Variants in PTPRN2 observed in about 807,000 individuals in gnomAD.
PTPRN2 encodes protein tyrosine phosphatase receptor type N2.
PTPRN2 carries 74 observed loss-of-function variants against 118.8 expected under a neutral mutation model. The observed-to-expected ratio is 0.62, with a 90% CI of 0.52 to 0.76. PTPRN2 has a LOEUF of 0.76. PTPRN2 is among the 30% of genes least tolerant of loss of function. The probability of loss-of-function intolerance (pLI) is 0.00; values close to 1 mark genes in which losing one functional copy is unlikely to be tolerated. For synonymous variants in PTPRN2, 641 were observed against 608.0 expected, an observed-to-expected ratio of 1.05 and a Z score of -0.80; for missense variants, 1,481 against 1,394.4, an observed-to-expected ratio of 1.06 and a Z score of -0.99.
intron 13 of PTPRN2, among the ~76,000 whole-genome samples, chr7:157,657,093 CG>C (rs147591551): frequency 0.015 from 1,330 of 91,034 alleles, 97 homozygotes; most frequent in African/African-American, 0.054. Flanking sequence ...CACACACATA[CG>C]CCACACACAC....
At chr7:158,158,320 G>A (rs1171282425) in intron 6 of PTPRN2, among the ~76,000 whole-genome samples, 4 of 152,224 alleles carry the variant, frequency 2.6e-5, no homozygotes, top group Admixed American at 6.5e-5. Context: ...ACTGGGCTGC[G>A]GGGAACACGC....
chr7:157,956,288 G>A (rs1430350058), intron 11 of PTPRN2, among the ~76,000 whole-genome samples: 1 of 152,144 alleles, frequency 6.6e-6, no homozygotes, highest in African/African-American at 2.4e-5. Context: ...TCTGGAGGGG[G>A]AGGCTGGGCT....
In PTPRN2 at chr7:157,977,501, G is replaced by T. The variant is rs1435952767; in HGVS notation, c.1724-78764C>A. Among the ~76,000 whole-genome samples, 1 of 151,938 alleles carries T rather than the reference G, an allele frequency of 6.6e-6. No individual in the cohort carries two copies. Among genetic ancestry groups the T allele is most frequent in the Non-Finnish European group, 1.5e-5 (1 of 67,938 alleles). ...TGGGATTGTGCCTGGCAGGTGGAGG[G>T]CCCAGAGCGTGCAAGGCCCCAGGTG... is the stretch of plus-strand genomic sequence containing the variant. On this transcript the variant is annotated intron_variant, in intron 11 of 22. Transcript: ENST00000389418. The surrounding 1 kb of genome is among the most constrained non-coding windows in gnomAD (Gnocchi z 4.6).
chr7:157,710,536 G>T (rs1798556638), intron 12 of PTPRN2, among the ~76,000 whole-genome samples: 1 of 145,222 alleles, frequency 6.9e-6, no homozygotes, highest in South Asian at 2.1e-4. Context: ...TGACATGGCT[G>T]CGGGGTCCCG....
Position 158,172,937 on chromosome 7 carries a change from C to T in PTPRN2, c.550-5646G>A, listed in dbSNP as rs1011345637. On this transcript the variant is annotated intron_variant, in intron 5 of 22. Coordinates refer to ENST00000389418, the MANE Select transcript of PTPRN2 (RefSeq NM_002847.5). Reference sequence around the variant, plus strand: ...AATAGCAGCATCCCCACCATCATCACTTCCACCATCAACAGCAGCATCCCC... The same window carrying T: ...AATAGCAGCATCCCCACCATCATCATTTCCACCATCAACAGCAGCATCCCC... Among the ~76,000 whole-genome samples, 4 of 149,912 alleles carry T rather than the reference C, an allele frequency of 2.7e-5. No homozygotes were observed. In the South Asian group the frequency reaches 8.5e-4, roughly 32 times the overall value.
chr7:157,906,195 A>T (rs983542545), intron 11 of PTPRN2, among the ~76,000 whole-genome samples: 6 of 152,154 alleles, frequency 3.9e-5, no homozygotes, highest in Admixed American at 3.3e-4. Flanking sequence ...AAGGGGAAAG[A>T]GCTTTGAAGG....
chr7:157,642,277 G>A (rs1213512984), intron 14 of PTPRN2, among the ~76,000 whole-genome samples: 1 of 152,232 alleles, frequency 6.6e-6, no homozygotes, highest in African/African-American at 2.4e-5. Flanking sequence ...GAGCCGTGCT[G>A]AGGACATGAA....
At chr7:158,137,632 G>T (rs769493319) in intron 7 of PTPRN2, among the ~76,000 whole-genome samples, 2 of 152,038 alleles carry the variant, frequency 1.3e-5, no homozygotes, top group Non-Finnish European at 2.9e-5. Flanking sequence ...CTACTCCCCT[G>T]CACCCTGCCT....
intron 21 of PTPRN2, among the ~76,000 whole-genome samples, chr7:157,563,765 C>G (rs1331797951): frequency 6.6e-6 from 1 of 151,744 alleles, no homozygotes; most frequent in Non-Finnish European, 1.5e-5. Flanking sequence ...CACAGCAGAT[C>G]AGGACCACGT....
At chr7:157,832,322 T>C (rs1807621343) in intron 12 of PTPRN2, among the ~76,000 whole-genome samples, 1 of 152,192 alleles carries the variant, frequency 6.6e-6, no homozygotes, top group Non-Finnish European at 1.5e-5. Context: ...CGCTCACACA[T>C]TGCCAAGTGG....
At chr7:158,362,619 G>A (rs937570083) in intron 2 of PTPRN2, among the ~76,000 whole-genome samples, 3 of 152,170 alleles carry the variant, frequency 2.0e-5, no homozygotes, top group African/African-American at 7.2e-5. Flanking sequence ...CAAGCCCCAG[G>A]AGCCCCAGTT....
intron 11 of PTPRN2, among the ~76,000 whole-genome samples, chr7:158,048,963 CCAT>C (rs1038300353): frequency 2.2e-5 from 3 of 137,204 alleles, no homozygotes; most frequent in South Asian, 2.8e-4. Flanking sequence ...CCCATCACTA[CCAT>C]CATCATCATC....
At chr7:157,766,584 C>T (rs1802503337) in intron 12 of PTPRN2, among the ~76,000 whole-genome samples, 1 of 152,250 alleles carries the variant, frequency 6.6e-6, no homozygotes, top group African/African-American at 2.4e-5. Flanking sequence ...TAGAGAATTG[C>T]TGGCACTTGC....
intron 4 of PTPRN2, among the ~76,000 whole-genome samples, chr7:158,194,047 C>T (rs1384775536): frequency 6.6e-6 from 1 of 152,132 alleles, no homozygotes; most frequent in Non-Finnish European, 1.5e-5. Context: ...GATAGCGCCG[C>T]TGTGCTCCAG....
intron 21 of PTPRN2, among the ~76,000 whole-genome samples, chr7:157,568,544 C>A (rs1799598815): frequency 6.6e-6 from 1 of 152,162 alleles, no homozygotes; most frequent in South Asian, 2.1e-4. Context: ...ACTGAAGGAC[C>A]CGAGGGTGGC....
At position 158,498,462 on chromosome 7, in the gene PTPRN2, A is replaced by G. The variant is rs76016545; in HGVS notation, c.113-8677T>C. 7.0e-3 allele frequency among the ~76,000 whole-genome samples: 1,058 copies of G among 151,816 alleles called. 15 individuals carry two copies. The highest frequency in any genetic ancestry group is 0.024 in the African/African-American group (1,004 of 41,426). ...TTACTTTTTGGGAACCGCGCTCTCC[A>G]TGCTACACATTCCTCCTTCATTCGT... On this transcript the variant is annotated intron_variant, in intron 1 of 22. Transcript: ENST00000389418.
intron 11 of PTPRN2, among the ~76,000 whole-genome samples, chr7:158,073,689 C>T (rs960448175): frequency 2.6e-5 from 4 of 151,942 alleles, no homozygotes; most frequent in African/African-American, 7.3e-5. Context: ...GAGATGAGGC[C>T]GCTTCCTACT....
chr7:158,480,821 G>A (rs1385994068), intron 2 of PTPRN2, among the ~76,000 whole-genome samples: 1 of 152,246 alleles, frequency 6.6e-6, no homozygotes, highest in Admixed American at 6.5e-5. Context: ...GCTGAGAGAA[G>A]TGAGGAAGCT....
At chr7:158,440,827 G>A (rs538186284) in intron 2 of PTPRN2, among the ~76,000 whole-genome samples, 148 of 146,032 alleles carry the variant, frequency 1.0e-3, no homozygotes, top group Admixed American at 3.1e-3. Context: ...AGTAGTGGTG[G>A]TGGTGGTGAT....
Sources: allele counts gnomAD v4.1 joint callset (sites outside exome capture counted in the v4.1 genomes callset), GRCh38; gene constraint gnomAD v4.1.1; non-coding constraint Gnocchi (gnomAD v3.1); transcripts MANE v1.5; gene names NCBI Gene and HGNC (gene_info 2026-07-23, HGNC 2026-07-21).